TRAK1: variants seen among roughly 807,000 people sequenced by gnomAD.
The protein encoded by TRAK1 is trafficking kinesin protein 1.
Under a neutral mutation model 92.1 loss-of-function variants are expected in TRAK1, and 33 were observed. The observed-to-expected ratio is 0.36, with a 90% CI of 0.27 to 0.48. The LOEUF is 0.48. Ranked by LOEUF, TRAK1 falls within the 20% of genes least tolerant of loss-of-function variation. TRAK1 has a pLI of 0.99. For synonymous variants in TRAK1, 521 were observed against 517.3 expected (o/e 1.01, Z -0.10); for missense variants, 1,123 against 1,257.9 (o/e 0.89, Z 1.62).
chr3:42,153,061 A>G (rs1020588984), intron 2 of TRAK1, among the ~76,000 whole-genome samples: 2 of 152,294 alleles, frequency 1.3e-5, no homozygotes, highest in African/African-American at 4.8e-5. Flanking sequence ...TTATTTTCTC[A>G]GAAATAGTAC....
chr3:42,203,918 A>T (rs1708018936), intron 13 of TRAK1: 1 of 983,926 alleles, frequency 1.0e-6, no homozygotes, highest in African/African-American at 1.7e-5. Flanking sequence ...TCTTGGGAGC[A>T]ATATTGCCCC....
intron 1 of TRAK1, among the ~76,000 whole-genome samples, chr3:42,117,341 G>A (rs1324084452): frequency 2.0e-5 from 3 of 147,596 alleles, no homozygotes; most frequent in African/African-American, 7.8e-5. Context: ...GCTCCTGGCC[G>A]GCACCCAGGG....
upstream of TRAK1, among the ~76,000 whole-genome samples, chr3:42,089,886 C>G (rs550355373): frequency 6.6e-6 from 1 of 152,156 alleles, no homozygotes; most frequent in South Asian, 2.1e-4. Flanking sequence ...CTGTGGCCAG[C>G]GCTCAGTGAA....
intron 1 of TRAK1, among the ~76,000 whole-genome samples, chr3:42,109,510 G>A (rs1708045845): frequency 6.6e-6 from 1 of 152,168 alleles, no homozygotes; most frequent in African/African-American, 2.4e-5. Context: ...TCTTGAGATG[G>A]GAAAGTCCAT....
In TRAK1 at chr3:42,209,976, G is replaced by C; in HGVS notation, c.1954G>C (p.Glu652Gln). 1 of 1,614,212 alleles carries C rather than the reference G, an allele frequency of 6.2e-7. No individual in the cohort carries two copies. The change falls in exon 14 of 16, where the codon GAG becomes CAG. Residue 652 changes from glutamate (E) to glutamine (Q), a missense_variant. Around this residue, in one of 3 missense-constraint regions of TRAK1, gnomAD observed 401 missense variants for 438.9 expected, o/e 0.91. Transcript: ENST00000327628. ...TACCTCCACTCCAGTTCAGCACCCA[G>C]AGACCTCAGGTGAGAGGTCCCAAGC... ...LATSTPVQHP[E>Q]TSAHHPGKCM...
intron 2 of TRAK1, among the ~76,000 whole-genome samples, chr3:42,133,103 G>A (rs1416194764): frequency 1.3e-5 from 2 of 152,144 alleles, no homozygotes; most frequent in Non-Finnish European, 2.9e-5. Flanking sequence ...TTGCTTCTCT[G>A]CTGTACTCTT....
chr3:42,200,754 G>A, intron 11 of TRAK1, 64 bp from the exon 12 acceptor site: 2 of 1,550,928 alleles, frequency 1.3e-6, no homozygotes, highest in South Asian at 2.2e-5. Flanking sequence ...ATCATTTTTG[G>A]AGGGTTAAAC....
At position 42,200,896 on chromosome 3, in the gene TRAK1, G is replaced by A; in HGVS notation, c.1269G>A (p.Met423Ile). The change falls in exon 12 of 16, where the codon ATG becomes ATA. Residue 423 changes from methionine to isoleucine, a missense_variant. By Grantham distance (10) the Met-to-Ile change is conservative (BLOSUM62 1). This residue lies in a region of TRAK1 where 686 missense variants were observed against 747.6 expected (regional missense o/e 0.92). Coordinates refer to ENST00000327628, the MANE Select transcript of TRAK1 (RefSeq NM_001042646.3). ...VKQRSLTPSP[M>I]NIPGSNQSSA... Reference sequence around the variant, plus strand: ...AGAGATCTCTGACCCCTTCTCCCATGAACATCCCCGGCTCCAACCAGTCCT... The same window carrying A: ...AGAGATCTCTGACCCCTTCTCCCATAAACATCCCCGGCTCCAACCAGTCCT... 6.2e-7 allele frequency: 1 copy of A among 1,614,128 alleles called. No individual in the cohort carries two copies. Among genetic ancestry groups the A allele is most frequent in the Non-Finnish European group, 8.5e-7 (1 of 1,180,038 alleles).
chr3:42,136,020 C>T (rs1697911392), intron 2 of TRAK1, among the ~76,000 whole-genome samples: 1 of 152,188 alleles, frequency 6.6e-6, no homozygotes, highest in African/African-American at 2.4e-5. Flanking sequence ...TCATAGGTGC[C>T]TTCCCCTGTT....
intron 2 of TRAK1, among the ~76,000 whole-genome samples, chr3:42,164,734 A>G (rs1701660893): frequency 6.6e-6 from 1 of 152,318 alleles, no homozygotes; most frequent in Non-Finnish European, 1.5e-5. Flanking sequence ...GAAAACTTGC[A>G]CAATGAGAAA....
chr3:42,076,294 C>T (rs551364990), intron 1 of TRAK1, among the ~76,000 whole-genome samples: 90 of 127,180 alleles, frequency 7.1e-4, no homozygotes, highest in African/African-American at 2.2e-3. Context: ...GGTGCGATCT[C>T]GGCTCATGGC....
chr3:42,162,986 C>A (rs1701439274), intron 2 of TRAK1, among the ~76,000 whole-genome samples: 1 of 152,118 alleles, frequency 6.6e-6, no homozygotes, highest in Non-Finnish European at 1.5e-5. Flanking sequence ...TACTTGGCAC[C>A]ATTTTCAGTG....
intron 14 of TRAK1, chr3:42,211,052 G>T: frequency 1.0e-6 from 1 of 985,430 alleles, no homozygotes; most frequent in South Asian, 4.7e-5. Flanking sequence ...GAGTCAGGGG[G>T]GAGACTGAGA....
rs546670789 is a variant in TRAK1 at position 42,223,055 on chromosome 3, C to A, written c.2180C>A (p.Thr727Asn). The A allele has an allele frequency of 3.1e-6, 5 of 1,614,000 alleles. No homozygotes were observed. The highest frequency in any genetic ancestry group is 4.2e-6 in the Non-Finnish European group (5 of 1,180,038). ...AGCCTGGCTGAGTCCTTCACTAACACCCGTGAGTCCACGACCACCATGAGC... is the reference window on the plus strand; with the variant it reads ...AGCCTGGCTGAGTCCTTCACTAACAACCGTGAGTCCACGACCACCATGAGC... The part of the protein sequence containing the change: ...RLSLAESFTN[T>N]RESTTTMSTS... Residue 727 changes from threonine (T) to asparagine (N), a missense_variant, in exon 16 of 16, where the codon ACC becomes AAC. This residue lies in a region of TRAK1 where 401 missense variants were observed against 438.9 expected (regional missense o/e 0.91). Coordinates refer to ENST00000327628, the MANE Select transcript of TRAK1 (RefSeq NM_001042646.3). The surrounding 1 kb of genome is among the most constrained non-coding windows in gnomAD (Gnocchi z 6.1).
intron 10 of TRAK1, among the ~76,000 whole-genome samples, chr3:42,196,795 G>A (rs895665949): frequency 3.3e-5 from 5 of 150,840 alleles, no homozygotes; most frequent in Non-Finnish European, 5.9e-5. Context: ...TGATCCACCC[G>A]TCTCGGCCTC....
intron 1 of TRAK1, among the ~76,000 whole-genome samples, chr3:42,027,777 C>T (rs1018920847): frequency 6.6e-6 from 1 of 152,076 alleles, no homozygotes; most frequent in Non-Finnish European, 1.5e-5. Flanking sequence ...CAGGAACAAC[C>T]ATTTTTCACT....
intron 13 of TRAK1, among the ~76,000 whole-genome samples, chr3:42,208,218 G>A (rs913179127): frequency 6.6e-6 from 1 of 152,076 alleles, no homozygotes. Flanking sequence ...TCCAAATTAA[G>A]TATGTTGCTA....
At chr3:42,217,540 A>G (rs139707925) in intron 14 of TRAK1, 14 of 985,284 alleles carry the variant, frequency 1.4e-5, no homozygotes, top group East Asian at 1.1e-4. Context: ...TGAAGATCCA[A>G]TATGTAAGAG....
In TRAK1 at chr3:42,201,883, G is replaced by GACACACACACAC. The variant is rs56336064; in HGVS notation, c.1428-516_1428-505dup. Among the ~76,000 whole-genome samples the GACACACACACAC allele has an allele frequency of 2.4e-3, 295 of 125,156 alleles. 6 individuals carry two copies. Among genetic ancestry groups the GACACACACACAC allele is most frequent in the African/African-American group, 5.5e-3 (179 of 32,376 alleles). The allele number at this position is 125,156 out of a possible 152,430, so 82.1% of individuals were successfully genotyped here. ...GGACGGACGGACGGACGGACAGACGGACACACACACACACACACACACACA... is the reference window on the plus strand; with the variant it reads ...GGACGGACGGACGGACGGACAGACGGACACACACACACACACACACACACACACACACACACA... On this transcript the variant is annotated intron_variant, in intron 12 of 15. Coordinates refer to ENST00000327628, the MANE Select transcript of TRAK1 (RefSeq NM_001042646.3).
Sources: gnomAD v4.1 joint callset for allele counts (sites outside exome capture counted in the v4.1 genomes callset) on GRCh38, gnomAD v4.1.1 for gene constraint, gnomAD v4.1.1 regional missense constraint, Gnocchi (gnomAD v3.1) non-coding constraint, MANE v1.5 for transcripts, NCBI Gene and HGNC (gene_info 2026-07-23, HGNC 2026-07-21) for gene names.